Variants in AK5 observed in about 807,000 individuals in gnomAD.
AK5 encodes adenylate kinase isoenzyme 5.
In AK5, 27 loss-of-function variants were observed where a neutral mutation model predicts 69.5. The observed-to-expected ratio is 0.39, with a 90% CI of 0.29 to 0.54. AK5 has a LOEUF of 0.54. Among genes scored for constraint, AK5 ranks in the 20% least tolerant of loss-of-function variants. AK5 has a pLI of 0.71. For synonymous variants in AK5, 260 were observed against 244.4 expected (o/e 1.06, Z -0.60); for missense variants, 531 against 700.4 (o/e 0.76, Z 2.73).
chr1:77,507,891 C>A (rs903020795), intron 10 of AK5, among the ~76,000 whole-genome samples: 1 of 152,124 alleles, frequency 6.6e-6, no homozygotes, highest in Non-Finnish European at 1.5e-5. Context: ...AAACATACAG[C>A]AAGCTGAAAG....
intron 13 of AK5, among the ~76,000 whole-genome samples, chr1:77,541,859 G>A (rs1417919709): frequency 6.6e-6 from 1 of 152,178 alleles, no homozygotes; most frequent in Non-Finnish European, 1.5e-5. Context: ...GAAATGATGT[G>A]GTTGGCCTTG....
chr1:77,291,619 T>C (rs1216832491), intron 2 of AK5, among the ~76,000 whole-genome samples: 2 of 152,124 alleles, frequency 1.3e-5, no homozygotes, highest in Non-Finnish European at 2.9e-5. Context: ...TTCTGAGTTT[T>C]CTCTATGGGA....
At chr1:77,532,686 A>T (rs959136781) in intron 12 of AK5, among the ~76,000 whole-genome samples, 1 of 152,214 alleles carries the variant, frequency 6.6e-6, no homozygotes, top group Non-Finnish European at 1.5e-5. Flanking sequence ...AATGTTGCTG[A>T]TGGCATCTCA....
chr1:77,444,760 G>T (rs915002593), intron 8 of AK5, among the ~76,000 whole-genome samples: 4 of 147,336 alleles, frequency 2.7e-5, no homozygotes, highest in Admixed American at 1.4e-4. Flanking sequence ...TGTAGAGATT[G>T]GGGGGAGGGT....
At chr1:77,383,138 A>G (rs894970115) in intron 6 of AK5, among the ~76,000 whole-genome samples, 2 of 152,224 alleles carry the variant, frequency 1.3e-5, no homozygotes, top group African/African-American at 4.8e-5. Context: ...TTTAAAAGAC[A>G]TTTGATTAAA....
At chr1:77,403,140 G>T (rs1350436815) in intron 6 of AK5, among the ~76,000 whole-genome samples, 2 of 152,128 alleles carry the variant, frequency 1.3e-5, no homozygotes, top group Non-Finnish European at 2.9e-5. Flanking sequence ...TTTTGATGGG[G>T]TTGTTTGTTT....
chr1:77,484,147 G>A (rs1050357761), intron 9 of AK5, among the ~76,000 whole-genome samples: 1 of 137,446 alleles, frequency 7.3e-6, no homozygotes, highest in Non-Finnish European at 1.6e-5. Context: ...GCGACAGAGT[G>A]AGACTACGTC....
intron 5 of AK5, among the ~76,000 whole-genome samples, chr1:77,318,224 T>A (rs1167197): frequency 0.67 from 101,103 of 151,842 alleles, 33,698 homozygotes; most frequent in East Asian, 0.79. Flanking sequence ...CTTAAAGGGG[T>A]AGATGGCACT....
At chr1:77,299,030 C>T (rs1392492461) in intron 5 of AK5, among the ~76,000 whole-genome samples, 1 of 152,082 alleles carries the variant, frequency 6.6e-6, no homozygotes, top group Non-Finnish European at 1.5e-5. Flanking sequence ...CATGTATGGA[C>T]ACATGTGCAC....
intron 6 of AK5, among the ~76,000 whole-genome samples, chr1:77,403,393 T>A (rs1268768945): frequency 1.6e-5 from 2 of 127,906 alleles, no homozygotes; most frequent in African/African-American, 3.2e-5. Context: ...CTGAATCGTA[T>A]TGCCTAGGTT....
chr1:77,434,284 C>A (rs969950047), intron 8 of AK5, among the ~76,000 whole-genome samples: 1 of 151,938 alleles, frequency 6.6e-6, no homozygotes, highest in African/African-American at 2.4e-5. Context: ...ACATTCATAT[C>A]AATAACATAC....
intron 5 of AK5, among the ~76,000 whole-genome samples, chr1:77,311,743 A>G (rs1049852025): frequency 6.6e-6 from 1 of 152,118 alleles, no homozygotes; most frequent in Non-Finnish European, 1.5e-5. Flanking sequence ...GGTTCCTTCT[A>G]GGGACTGTTT....
At chr1:77,339,152 G>A (rs1661516966) in intron 5 of AK5, among the ~76,000 whole-genome samples, 1 of 152,192 alleles carries the variant, frequency 6.6e-6, no homozygotes, top group Admixed American at 6.5e-5. Flanking sequence ...CACTAGTATA[G>A]TAATACATGC....
At chr1:77,558,525 G>GTGAT (rs551477933) in intron 13 of AK5, 77 bp from the exon 14 acceptor site, 4 of 922,914 alleles carry the variant, frequency 4.3e-6, no homozygotes, top group Non-Finnish European at 6.9e-6. Flanking sequence ...TTATGAGCAA[G>GTGAT]TGATAGTGTT....
At chr1:77,410,197 C>G (rs1649944159) in intron 6 of AK5, among the ~76,000 whole-genome samples, 2 of 150,716 alleles carry the variant, frequency 1.3e-5, no homozygotes, top group South Asian at 4.2e-4. Flanking sequence ...TTTGTTATAT[C>G]TAAATCCATA....
Position 77,367,072 on chromosome 1 carries a change from T to C in AK5, c.891+26504T>C, listed in dbSNP as rs190988776. Among the ~76,000 whole-genome samples the C allele has an allele frequency of 2.2e-3, 337 of 152,242 alleles. 1 individual carries two copies. The highest frequency in any genetic ancestry group is 6.2e-3 in the South Asian group (30 of 4,820). ...ATCATTCTCAGGCAAACTTGTGAGG[T>C]GTATTAAAGGAGGCTCTTTATTTCT... On this transcript the variant is annotated intron_variant, in intron 6 of 13. Transcript: ENST00000354567.
chr1:77,470,849 A>ATTTT (rs1557615573), intron 8 of AK5, among the ~76,000 whole-genome samples: 1 of 2,066 alleles, frequency 4.8e-4, no homozygotes, highest in Non-Finnish European at 1.4e-3. Context: ...ATATATATAT[A>ATTTT]TATATATATA....
At chr1:77,416,229 A>C (rs901918317) in intron 7 of AK5, among the ~76,000 whole-genome samples, 1 of 152,172 alleles carries the variant, frequency 6.6e-6, no homozygotes, top group Non-Finnish European at 1.5e-5. Context: ...ATGTTAAAAT[A>C]CATATGTAAA....
chr1:77,458,954 C>G (rs1041391045), intron 8 of AK5, among the ~76,000 whole-genome samples: 1 of 152,156 alleles, frequency 6.6e-6, no homozygotes, highest in African/African-American at 2.4e-5. Flanking sequence ...TTTTTCTAAA[C>G]AGGGAACTTC....
Sources: gnomAD v4.1 joint callset for allele counts (sites outside exome capture counted in the v4.1 genomes callset) on GRCh38, gnomAD v4.1.1 for gene constraint, MANE v1.5 for transcripts, NCBI Gene and HGNC (gene_info 2026-07-23, HGNC 2026-07-21) for gene names.